ACSL3: variants seen among roughly 807,000 people sequenced by gnomAD.
ACSL3 encodes the protein fatty acid CoA ligase Acsl3.
ACSL3 carries 34 observed loss-of-function variants against 84.7 expected under a neutral mutation model. The ratio of observed to expected loss-of-function variants is 0.40; its 90% CI spans 0.31 to 0.53. ACSL3 has a LOEUF of 0.53. ACSL3 is among the 20% of genes least tolerant of loss of function. The pLI, the probability that ACSL3 is intolerant of heterozygous loss-of-function variation, is 0.48. For missense variants in ACSL3, 680 were observed against 873.1 expected (o/e 0.78, Z 2.79); for synonymous variants, 315 against 299.4 (o/e 1.05, Z -0.54).
chr2:222,923,171 A>C, intron 10 of ACSL3, 22 bp downstream of exon 10: 1 of 1,588,006 alleles, frequency 6.3e-7, no homozygotes, highest in Non-Finnish European at 8.6e-7. Flanking sequence ...CCCTTATTTA[A>C]TATTGAGTAT....
chr2:222,885,690 A>T (rs1363115298), intron 1 of ACSL3, among the ~76,000 whole-genome samples: 2 of 152,212 alleles, frequency 1.3e-5, no homozygotes, highest in Non-Finnish European at 1.5e-5. Flanking sequence ...GTCTGGAGTC[A>T]TAGCTAATAA....
At chr2:222,898,308 G>A (rs1696044670) in intron 2 of ACSL3, among the ~76,000 whole-genome samples, 2 of 152,126 alleles carry the variant, frequency 1.3e-5, no homozygotes, top group Non-Finnish European at 2.9e-5. Context: ...GATTTTGTAG[G>A]AAAATAACTC....
intron 13 of ACSL3, among the ~76,000 whole-genome samples, chr2:222,929,719 A>G (rs1417179929): frequency 2.0e-5 from 3 of 151,702 alleles, no homozygotes; most frequent in Non-Finnish European, 2.9e-5. Context: ...TGGAGGTTGC[A>G]GTGAGCCAAG....
intron 16 of ACSL3, among the ~76,000 whole-genome samples, chr2:222,936,608 T>TCCACCCCC (rs1697175930): frequency 7.6e-6 from 1 of 131,188 alleles, no homozygotes; most frequent in Non-Finnish European, 1.6e-5. Context: ...TTCTGCACCC[T>TCCACCCCC]CCCCCCCCAC....
intron 1 of ACSL3, among the ~76,000 whole-genome samples, chr2:222,878,769 C>T (rs915838734): frequency 1.3e-5 from 2 of 152,030 alleles, no homozygotes; most frequent in African/African-American, 2.4e-5. Context: ...TTGTATTCCT[C>T]GTTACACGCC....
At position 222,897,858 on chromosome 2, in the gene ACSL3, C is replaced by T. The variant is rs1221278025; in HGVS notation, c.-147-2816C>T. Among the ~76,000 whole-genome samples the T allele has an allele frequency of 6.3e-4, 5 of 7,882 alleles. 2 individuals are homozygous for T. The highest frequency in any genetic ancestry group is 3.2e-3 in the Admixed American group (2 of 622). 5.2% of individuals were successfully genotyped at this position (7,882 alleles called of 152,430 possible). A position where few individuals can be genotyped will look rare whatever the true frequency, so the allele number is the denominator to read the frequency against. On this transcript the variant is annotated intron_variant, in intron 2 of 16. Transcript: ENST00000357430. ...ACTCAGGCATGGAGGTTGCAGTGAG[C>T]CGAGATCGCAGCAGTACAGTCCAGC...
intron 2 of ACSL3, among the ~76,000 whole-genome samples, chr2:222,896,183 G>T (rs1695965671): frequency 8.6e-5 from 1 of 11,684 alleles, no homozygotes; most frequent in Non-Finnish European, 1.3e-4. Context: ...CCTCCCGGAC[G>T]GGGCGGCTGG....
chr2:222,911,323 A>T (rs1359141509), intron 4 of ACSL3, among the ~76,000 whole-genome samples: 1 of 152,240 alleles, frequency 6.6e-6, no homozygotes, highest in East Asian at 1.9e-4. Context: ...TGCTGGGATT[A>T]CAGGCATGAG....
chr2:222,941,921 G>C lies in ACSL3; in HGVS notation c.*267G>C. 1 of 315,070 alleles carries C rather than the reference G, an allele frequency of 3.2e-6. No homozygotes were observed. The highest frequency in any genetic ancestry group is 5.8e-6 in the Non-Finnish European group (1 of 172,818). 19.5% of individuals were successfully genotyped at this position (315,070 alleles called of 1,614,324 possible). On this transcript the variant is annotated 3_prime_UTR_variant, in exon 17 of 17. Transcript: ENST00000357430. ...ATGAGAATTTTTCTGAATCATATTG[G>C]GGAAGCAGTGATTTTAAAACCTCAA...
At chr2:222,936,608 T>TGGGG (rs1697175677) in intron 16 of ACSL3, among the ~76,000 whole-genome samples, 1 of 131,280 alleles carries the variant, frequency 7.6e-6, no homozygotes. Context: ...TTCTGCACCC[T>TGGGG]CCCCCCCCAC....
chr2:222,906,762 G>C (rs1696304113), intron 3 of ACSL3, among the ~76,000 whole-genome samples: 1 of 152,056 alleles, frequency 6.6e-6, no homozygotes, highest in African/African-American at 2.4e-5. Context: ...CTACAGGCGT[G>C]TACCATCACG....
intron 14 of ACSL3, among the ~76,000 whole-genome samples, chr2:222,932,103 C>T (rs868824095): frequency 6.6e-6 from 1 of 152,134 alleles, no homozygotes; most frequent in South Asian, 2.1e-4. Flanking sequence ...TTTTCCAAAT[C>T]CCCAGGTTGG....
In ACSL3 at chr2:222,873,691, C is replaced by A. The variant is rs181620397; in HGVS notation, c.-207+12433C>A. On this transcript the variant is annotated intron_variant, in intron 1 of 16. Coordinates refer to ENST00000357430, the MANE Select transcript of ACSL3 (RefSeq NM_004457.5). ...TACTTCTCATTTATCATATCATGAG[C>A]AATTCCCATGTTATTGAATGTTTTT... Among the ~76,000 whole-genome samples, 32 of 152,296 alleles carry A rather than the reference C, an allele frequency of 2.1e-4. No individual in the cohort carries two copies. The East Asian group carries it at 5.8e-3, about 27-fold the overall frequency.
intron 1 of ACSL3, among the ~76,000 whole-genome samples, chr2:222,879,242 C>T (rs1695532243): frequency 6.6e-6 from 1 of 152,110 alleles, no homozygotes; most frequent in Non-Finnish European, 1.5e-5. Flanking sequence ...TGCTGGAACC[C>T]AGGAGGTGGA....
intron 14 of ACSL3, 25 bp downstream of exon 14, chr2:222,930,837 A>C: frequency 6.4e-7 from 1 of 1,566,672 alleles, no homozygotes; most frequent in Non-Finnish European, 8.7e-7. Context: ...ATTTTTTTGA[A>C]AATGAATGTT....
Position 222,908,731 on chromosome 2 carries a change from A to G in ACSL3, c.-40-2A>G. The stretch of plus-strand genomic sequence containing the variant: ...TAACGCCTTTCTTTTTCTTCCTCCT[A>G]GATTCTCGCTGAAGTCTGTTAATTC... On this transcript the variant is annotated splice_acceptor_variant, in intron 3 of 16. Coordinates refer to ENST00000357430, the MANE Select transcript of ACSL3 (RefSeq NM_004457.5). LOFTEE classifies it low-confidence loss of function (5UTR_SPLICE). 6.5e-7 allele frequency: 1 copy of G among 1,528,974 alleles called. No individual in the cohort carries two copies. Among genetic ancestry groups the G allele is most frequent in the Non-Finnish European group, 8.8e-7 (1 of 1,142,370 alleles). 94.7% of individuals were successfully genotyped at this position (1,528,974 alleles called of 1,614,324 possible).
chr2:222,902,563 T>C (rs943994025), intron 3 of ACSL3, among the ~76,000 whole-genome samples: 2 of 152,350 alleles, frequency 1.3e-5, no homozygotes, highest in East Asian at 1.9e-4. Context: ...AAAAAAGATA[T>C]TGATGCAGGA....
At chr2:222,932,551 A>G (rs988699917) in intron 14 of ACSL3, among the ~76,000 whole-genome samples, 80 of 151,982 alleles carry the variant, frequency 5.3e-4, no homozygotes, top group African/African-American at 1.9e-3. Context: ...CTGGTCTCGA[A>G]CTCCTGACCT....
chr2:222,877,968 T>C (rs1313774240), intron 1 of ACSL3, among the ~76,000 whole-genome samples: 1 of 152,190 alleles, frequency 6.6e-6, no homozygotes, highest in Non-Finnish European at 1.5e-5. Flanking sequence ...GTCAAGAACA[T>C]AATGTGTTTC....
Sources: allele counts gnomAD v4.1 joint callset (sites outside exome capture counted in the v4.1 genomes callset), GRCh38; gene constraint gnomAD v4.1.1; transcripts MANE v1.5; gene names NCBI Gene and HGNC (gene_info 2026-07-23, HGNC 2026-07-21).